Variants in TBX15 observed in about 807,000 individuals in gnomAD.
TBX15 encodes the protein T-box transcription factor 15, also known as T-box transcription factor TBX15.
In TBX15, 18 loss-of-function variants were observed where a neutral mutation model predicts 53.9. That is an observed-to-expected ratio of 0.33 (90% CI 0.23 to 0.49). The LOEUF (loss-of-function observed/expected upper bound fraction) is 0.49, where lower values mean the gene tolerates loss of function less well. Among genes scored for constraint, TBX15 ranks in the 20% least tolerant of loss-of-function variants. The pLI, the probability that TBX15 is intolerant of heterozygous loss-of-function variation, is 0.98. For missense variants in TBX15, 692 were observed against 749.5 expected (o/e 0.92, Z 0.90); for synonymous variants, 295 against 278.0 (o/e 1.06, Z -0.61).
rs1264713564 is a variant in TBX15, at chr1:118,985,467, C to T, written c.205+2124G>A. Among the ~76,000 whole-genome samples, 91 of 152,328 alleles carry T rather than the reference C, an allele frequency of 6.0e-4. 1 individual carries two copies. The highest frequency in any genetic ancestry group is 1.2e-4 in the Non-Finnish European group (8 of 68,040). On this transcript the variant is annotated intron_variant, in intron 1 of 7. Coordinates refer to ENST00000369429, the MANE Select transcript of TBX15 (RefSeq NM_001330677.2). ...TGCTCCCTGGACCGCCGCGTCTCCA[C>T]GCCACGGCGCCCTTTTTACTAAAAG...
chr1:118,934,559 G>A (rs1557890557), intron 1 of TBX15, among the ~76,000 whole-genome samples: 1 of 152,156 alleles, frequency 6.6e-6, no homozygotes, highest in African/African-American at 2.4e-5. Context: ...CTTACTATGT[G>A]CCCAGCACTG....
At chr1:118,943,752 A>G (rs751650732) in intron 1 of TBX15, among the ~76,000 whole-genome samples, 2 of 152,120 alleles carry the variant, frequency 1.3e-5, no homozygotes, top group Non-Finnish European at 2.9e-5. Flanking sequence ...AGAAACACTC[A>G]CCTGGCTCAG....
intron 7 of TBX15, among the ~76,000 whole-genome samples, chr1:118,891,630 A>G (rs1011286372): frequency 2.6e-5 from 4 of 152,204 alleles, no homozygotes; most frequent in African/African-American, 9.6e-5. Flanking sequence ...AATTATACTC[A>G]ATGAGATTTT....
At chr1:118,924,925 C>G in intron 3 of TBX15, 108 bp from the exon 4 acceptor site, 1 of 1,196,350 alleles carries the variant, frequency 8.4e-7, no homozygotes, top group Non-Finnish European at 1.2e-6. Flanking sequence ...AAAGAGATTA[C>G]ATGAATGGAG....
intron 6 of TBX15, among the ~76,000 whole-genome samples, chr1:118,911,624 C>A (rs1478131457): frequency 6.6e-6 from 1 of 152,216 alleles, no homozygotes; most frequent in Non-Finnish European, 1.5e-5. Context: ...CTAATTCCTA[C>A]AACATAGATC....
intron 1 of TBX15, among the ~76,000 whole-genome samples, chr1:118,970,047 G>A (rs10458418): frequency 0.18 from 27,355 of 152,162 alleles, 3,127 homozygotes; most frequent in East Asian, 0.5. Context: ...TTCCCCCTGC[G>A]TGTTCTCTGT....
At chr1:118,889,813 A>AT (rs1654076315) in intron 7 of TBX15, among the ~76,000 whole-genome samples, 3 of 149,892 alleles carry the variant, frequency 2.0e-5, no homozygotes, top group Admixed American at 2.0e-4. Context: ...AAAAAAAAAA[A>AT]ATTTAGTAGA....
intron 1 of TBX15, among the ~76,000 whole-genome samples, chr1:118,986,069 C>T (rs1435696124): frequency 6.6e-6 from 1 of 152,260 alleles, no homozygotes; most frequent in Non-Finnish European, 1.5e-5. Context: ...CTGCCACGCG[C>T]AGCTAAACAA....
intron 4 of TBX15, 110 bp from the exon 5 acceptor site, chr1:118,923,713 G>T: frequency 7.8e-7 from 1 of 1,289,368 alleles, no homozygotes; most frequent in Non-Finnish European, 1.1e-6. Context: ...GCACAGATTG[G>T]AGGTGAGATG....
intron 5 of TBX15, 92 bp downstream of exon 5, chr1:118,923,344 A>C (rs774081325): frequency 6.6e-7 from 1 of 1,524,192 alleles, no homozygotes; most frequent in Non-Finnish European, 9.0e-7. Context: ...TTGTATGTCA[A>C]ATTCCCCTGA....
chr1:118,892,725 G>A (rs915163069), intron 7 of TBX15, among the ~76,000 whole-genome samples: 1 of 152,038 alleles, frequency 6.6e-6, no homozygotes, highest in African/African-American at 2.4e-5. Flanking sequence ...TACTATTCTT[G>A]TCATTATTTC....
chr1:118,978,299 G>A (rs775319234), intron 1 of TBX15, among the ~76,000 whole-genome samples: 15 of 152,164 alleles, frequency 9.9e-5, no homozygotes, highest in Non-Finnish European at 1.5e-4. Flanking sequence ...TACAACTGCA[G>A]TAAAATTCCT....
At chr1:118,986,176 C>A (rs541385485) in intron 1 of TBX15, among the ~76,000 whole-genome samples, 73 of 152,274 alleles carry the variant, frequency 4.8e-4, no homozygotes, top group African/African-American at 1.8e-3. Flanking sequence ...AAGGCCCACG[C>A]GAGATTTTGA....
intron 5 of TBX15, among the ~76,000 whole-genome samples, chr1:118,920,804 T>C (rs1372702210): frequency 6.6e-6 from 1 of 152,182 alleles, no homozygotes; most frequent in Admixed American, 6.5e-5. Flanking sequence ...GAAAATATTC[T>C]GTCAGTAGAA....
intron 7 of TBX15, among the ~76,000 whole-genome samples, chr1:118,893,613 AAGAG>A (rs146118610): frequency 0.11 from 14,561 of 136,576 alleles, 1,071 homozygotes; most frequent in East Asian, 0.28. Context: ...GAAAGAAAGA[AAGAG>A]AGAGAGAAAG....
chr1:118,916,593 G>T (rs116021000), intron 5 of TBX15, among the ~76,000 whole-genome samples: 2,158 of 152,270 alleles, frequency 0.014, 46 homozygotes, highest in African/African-American at 0.05. Flanking sequence ...GCCAAGCGTG[G>T]TGGCTCATGC....
chr1:118,920,181 AC>A (rs1257115603), intron 5 of TBX15, among the ~76,000 whole-genome samples: 1 of 152,208 alleles, frequency 6.6e-6, no homozygotes, highest in African/African-American at 2.4e-5. Context: ...AAAAGGTACA[AC>A]TTTTGTTCTC....
intron 7 of TBX15, 102 bp downstream of exon 7, chr1:118,898,926 T>A: frequency 8.7e-7 from 1 of 1,154,438 alleles, no homozygotes; most frequent in South Asian, 1.3e-5. Context: ...AGAATTGGTA[T>A]AACCCATATC....
At chr1:118,911,692 G>A (rs1655031532) in intron 6 of TBX15, among the ~76,000 whole-genome samples, 1 of 152,176 alleles carries the variant, frequency 6.6e-6, no homozygotes, top group Non-Finnish European at 1.5e-5. Context: ...TCATGCCTCA[G>A]CACCTTCATT....
Sources: allele counts gnomAD v4.1 joint callset (sites outside exome capture counted in the v4.1 genomes callset), GRCh38; gene constraint gnomAD v4.1.1; transcripts MANE v1.5; gene names NCBI Gene and HGNC (gene_info 2026-07-23, HGNC 2026-07-21).